Variants in SPHKAP observed in about 807,000 individuals in gnomAD.
The protein encoded by SPHKAP is A-kinase anchor protein SPHKAP.
In SPHKAP, 67 loss-of-function variants were observed where a neutral mutation model predicts 137.5. The ratio of observed to expected loss-of-function variants is 0.49; its 90% CI spans 0.40 to 0.60. SPHKAP has a LOEUF of 0.60. Ranked by LOEUF, SPHKAP falls within the 20% of genes least tolerant of loss-of-function variation. SPHKAP has a pLI of 0.00. For synonymous variants in SPHKAP, 813 were observed against 785.3 expected, an observed-to-expected ratio of 1.04 and a Z score of -0.59; for missense variants, 2,097 against 2,069.3, an observed-to-expected ratio of 1.01 and a Z score of -0.26.
At chr2:228,078,288 C>T (rs1226796735) in intron 3 of SPHKAP, among the ~76,000 whole-genome samples, 1 of 151,640 alleles carries the variant, frequency 6.6e-6, no homozygotes, top group Admixed American at 6.6e-5. Context: ...CAAGAATAGT[C>T]TTGTGTTTGT....
chr2:227,991,714 A>G (rs2106162140), intron 9 of SPHKAP: 1 of 973,628 alleles, frequency 1.0e-6, no homozygotes, highest in East Asian at 1.1e-4. Flanking sequence ...TTTTACTTTC[A>G]TCTTAATGAA....
At chr2:228,109,713 C>G (rs571844317) in intron 2 of SPHKAP, among the ~76,000 whole-genome samples, 1 of 152,152 alleles carries the variant, frequency 6.6e-6, no homozygotes, top group African/African-American at 2.4e-5. Flanking sequence ...CACCTGTAAT[C>G]CCAGCACTTT....
At chr2:228,041,681 T>C (rs2106259111) in intron 3 of SPHKAP, among the ~76,000 whole-genome samples, 1 of 151,006 alleles carries the variant, frequency 6.6e-6, no homozygotes, top group East Asian at 1.9e-4. Flanking sequence ...AAGAAAACAG[T>C]TCTACATTCT....
At chr2:228,171,498 G>C (rs1700583625) in intron 1 of SPHKAP, among the ~76,000 whole-genome samples, 1 of 152,060 alleles carries the variant, frequency 6.6e-6, no homozygotes, top group South Asian at 2.1e-4. Context: ...TCTCTTCTTA[G>C]GAAGAAATAG....
chr2:228,105,305 T>G, intron 3 of SPHKAP, among the ~76,000 whole-genome samples: 1 of 152,214 alleles, frequency 6.6e-6, no homozygotes, highest in East Asian at 1.9e-4. Context: ...TCAAGAGTAC[T>G]GACAAGTTCA....
chr2:227,987,612 G>T (rs900870822), intron 11 of SPHKAP, among the ~76,000 whole-genome samples: 1 of 152,138 alleles, frequency 6.6e-6, no homozygotes, highest in Non-Finnish European at 1.5e-5. Context: ...CATTTGTCAC[G>T]AGAGGAGTAT....
intron 7 of SPHKAP, among the ~76,000 whole-genome samples, chr2:228,004,107 A>T (rs763805583): frequency 2.0e-5 from 3 of 152,018 alleles, no homozygotes; most frequent in Admixed American, 6.6e-5. Context: ...CCTCTTTTTC[A>T]ATTGATTGGA....
intron 3 of SPHKAP, among the ~76,000 whole-genome samples, chr2:228,077,052 G>A (rs1697209064): frequency 6.6e-6 from 1 of 152,198 alleles, no homozygotes; most frequent in Admixed American, 6.5e-5. Flanking sequence ...TTGCTTCAGA[G>A]GGTGCAAGCC....
At chr2:227,982,683 T>A (rs867875036) in intron 11 of SPHKAP, among the ~76,000 whole-genome samples, 6 of 152,196 alleles carry the variant, frequency 3.9e-5, no homozygotes, top group African/African-American at 1.2e-4. Context: ...CTCATTCAAT[T>A]CTGTCACAAC....
At chr2:228,149,839 T>A (rs2063246247) in intron 1 of SPHKAP, among the ~76,000 whole-genome samples, 1 of 152,184 alleles carries the variant, frequency 6.6e-6, no homozygotes, top group Non-Finnish European at 1.5e-5. Flanking sequence ...ATCTGCAGAT[T>A]ATTTTTTTAT....
At chr2:228,046,835 T>A (rs1209595204) in intron 3 of SPHKAP, among the ~76,000 whole-genome samples, 1 of 152,168 alleles carries the variant, frequency 6.6e-6, no homozygotes, top group Non-Finnish European at 1.5e-5. Context: ...ACCCCCCTCC[T>A]TGGGCAAGAA....
chr2:228,045,525 A>G (rs1696009214), intron 3 of SPHKAP, among the ~76,000 whole-genome samples: 2 of 151,658 alleles, frequency 1.3e-5, no homozygotes, highest in Non-Finnish European at 2.9e-5. Flanking sequence ...ACATGTTCTC[A>G]CTCATAGGTG....
intron 3 of SPHKAP, among the ~76,000 whole-genome samples, chr2:228,073,747 CT>C (rs1697081000): frequency 6.6e-6 from 1 of 152,230 alleles, no homozygotes; most frequent in Non-Finnish European, 1.5e-5. Context: ...TCCACTTTAT[CT>C]GCTAACGAAC....
intron 3 of SPHKAP, among the ~76,000 whole-genome samples, chr2:228,069,910 G>T (rs1429608029): frequency 6.6e-6 from 1 of 152,170 alleles, no homozygotes; most frequent in South Asian, 2.1e-4. Flanking sequence ...GGTGTTGCCA[G>T]GACAGAGTAA....
rs767104636 is a variant in SPHKAP at position 228,018,487 on chromosome 2, A to G, written c.2367T>C (p.Asp789=). The change falls in exon 7 of 12, where the codon GAT becomes GAC. Residue 789 remains aspartate, a synonymous_variant. Coordinates refer to ENST00000392056, the MANE Select transcript of SPHKAP (RefSeq NM_001142644.2). Reference sequence around the variant, plus strand: ...CCTTGTCTTGTTTTGAATACATGCCATCCACAAGATTGTTGATGACAAGAC... The same window carrying G: ...CCTTGTCTTGTTTTGAATACATGCCGTCCACAAGATTGTTGATGACAAGAC... ...NTSLVINNLV[D]GMYSKQDKGG... 7.4e-6 allele frequency: 12 copies of G among 1,614,134 alleles called. No individual in the cohort carries two copies. The highest frequency in any genetic ancestry group is 1.0e-5 in the Non-Finnish European group (12 of 1,179,968).
intron 3 of SPHKAP, among the ~76,000 whole-genome samples, chr2:228,083,349 G>A (rs1697424935): frequency 6.6e-6 from 1 of 152,180 alleles, no homozygotes; most frequent in Non-Finnish European, 1.5e-5. Flanking sequence ...ACCAGCATCT[G>A]TTGTTTCCTG....
intron 3 of SPHKAP, among the ~76,000 whole-genome samples, chr2:228,028,487 T>C (rs1488055572): frequency 6.6e-6 from 1 of 152,264 alleles, no homozygotes; most frequent in East Asian, 1.9e-4. Flanking sequence ...TAAAGTCATA[T>C]GTTGCATAAT....
chr2:228,067,390 T>A (rs1696861491), intron 3 of SPHKAP, among the ~76,000 whole-genome samples: 2 of 152,192 alleles, frequency 1.3e-5, no homozygotes, highest in South Asian at 2.1e-4. Flanking sequence ...AATATAAAAT[T>A]CAATATAGGC....
At chr2:228,096,233 G>A (rs1213527186) in intron 3 of SPHKAP, among the ~76,000 whole-genome samples, 1 of 152,152 alleles carries the variant, frequency 6.6e-6, no homozygotes, top group Non-Finnish European at 1.5e-5. Flanking sequence ...GAGGCAGTAT[G>A]GAGAGGGCAG....
Sources: gnomAD v4.1 joint callset for allele counts (sites outside exome capture counted in the v4.1 genomes callset) on GRCh38, gnomAD v4.1.1 for gene constraint, MANE v1.5 for transcripts, NCBI Gene and HGNC (gene_info 2026-07-23, HGNC 2026-07-21) for gene names.